Variants in IVD observed in about 807,000 individuals in gnomAD.
The protein encoded by IVD is isovaleryl-CoA dehydrogenase, also known as isovaleryl-CoA dehydrogenase, mitochondrial.
Under a neutral mutation model 51.3 loss-of-function variants are expected in IVD, and 31 were observed. The ratio of observed to expected loss-of-function variants is 0.60; its 90% CI spans 0.45 to 0.81. IVD has a LOEUF of 0.81. IVD is among the 40% of genes least tolerant of loss of function. The pLI is 0.00. For synonymous variants in IVD, 205 were observed against 219.4 expected (o/e 0.93, Z 0.58); for missense variants, 475 against 552.0 (o/e 0.86, Z 1.40).
Position 40,416,107 on chromosome 15 carries a change from C to T in IVD, c.990C>T (p.Tyr330=), listed in dbSNP as rs774192404. 1 of 1,614,282 alleles carries T rather than the reference C, an allele frequency of 6.2e-7. No individual in the cohort carries two copies. Among genetic ancestry groups the T allele is most frequent in the South Asian group, 1.1e-5 (1 of 91,092 alleles). ...TGCAGGGGAAGATGGCTGACATGTA[C>T]ACCCGCCTCATGGCGTGTCGGCAGT... is the stretch of plus-strand genomic sequence containing the variant. The part of the protein sequence containing the change: ...QLMQGKMADM[Y]TRLMACRQYV... Residue 330 remains tyrosine, a synonymous_variant, in exon 10 of 12, where the codon TAC becomes TAT. Coordinates refer to ENST00000487418, the MANE Select transcript of IVD (RefSeq NM_002225.5).
At chr15:40,413,618 G>A (rs1391490994) in intron 7 of IVD, among the ~76,000 whole-genome samples, 1 of 152,072 alleles carries the variant, frequency 6.6e-6, no homozygotes, top group Non-Finnish European at 1.5e-5. Flanking sequence ...AGCCAGCACA[G>A]CCATCATGTA....
intron 11 of IVD, among the ~76,000 whole-genome samples, chr15:40,416,735 C>T (rs1483904514): frequency 1.3e-5 from 2 of 152,134 alleles, no homozygotes; most frequent in East Asian, 3.9e-4. Context: ...CCACTCCTCA[C>T]TATGTGCTTA....
intron 7 of IVD, among the ~76,000 whole-genome samples, chr15:40,430,597 G>A (rs1892917902): frequency 2.0e-5 from 3 of 152,166 alleles, no homozygotes; most frequent in African/African-American, 7.2e-5. Context: ...CACAGAGGTG[G>A]GAGGAGATTC....
chr15:40,420,302 C>T lies in IVD; in HGVS notation c.*2039C>T. Reference sequence around the variant, plus strand: ...CCCACAGCTGACTGGGCAGCAGGCACAGGCCCTACCCGAGCAGGCCGGAGT... The same window carrying T: ...CCCACAGCTGACTGGGCAGCAGGCATAGGCCCTACCCGAGCAGGCCGGAGT... On this transcript the variant is annotated 3_prime_UTR_variant, in exon 12 of 12. Transcript: ENST00000487418. 2.0e-6 allele frequency: 2 copies of T among 987,688 alleles called. No homozygotes were observed. The highest frequency in any genetic ancestry group is 4.7e-5 in the South Asian group (1 of 21,386). 61.2% of individuals were successfully genotyped at this position (987,688 alleles called of 1,614,324 possible).
intron 7 of IVD, among the ~76,000 whole-genome samples, chr15:40,431,260 A>G (rs1892957443): frequency 6.6e-6 from 1 of 151,716 alleles, no homozygotes; most frequent in African/African-American, 2.4e-5. Context: ...CTGGGATTAC[A>G]GGTGTGAGCC....
In IVD at chr15:40,411,531, A is replaced by G. The variant is rs768125931; in HGVS notation, c.551-24A>G. On this transcript the variant is annotated intron_variant, in intron 5 of 11. Transcript: ENST00000487418. The stretch of plus-strand genomic sequence containing the variant: ...TGAGACAGGCCAAGATGGCTTGAGC[A>G]AATAGCCAACATCCTGCCCTTAGGA... The G allele has an allele frequency of 3.7e-6, 6 of 1,614,228 alleles. No homozygotes were observed. The South Asian group carries it at 5.5e-5, about 15-fold the overall frequency.
chr15:40,423,697 T>C (rs950969337), downstream of IVD, among the ~76,000 whole-genome samples: 1 of 152,094 alleles, frequency 6.6e-6, no homozygotes, highest in African/African-American at 2.4e-5. Context: ...CTTGACCTCA[T>C]GATCTGCCCA....
chr15:40,428,891 C>A (rs1187286819), downstream of IVD, among the ~76,000 whole-genome samples: 1 of 152,192 alleles, frequency 6.6e-6, no homozygotes, highest in Non-Finnish European at 1.5e-5. Flanking sequence ...CCTGGGACAT[C>A]TGCAGCTGCC....
At chr15:40,416,785 G>T (rs1201385718) in intron 11 of IVD, among the ~76,000 whole-genome samples, 1 of 152,304 alleles carries the variant, frequency 6.6e-6, no homozygotes, top group East Asian at 1.9e-4. Context: ...GGCTCTTTCT[G>T]TCCCAGTTAC....
At chr15:40,413,209 A>C in intron 7 of IVD, 122 bp downstream of exon 7, 1 of 806,604 alleles carries the variant, frequency 1.2e-6, no homozygotes, top group South Asian at 1.4e-5. Context: ...CTTCAGTGAC[A>C]TGTGGCTAGG....
At position 40,407,005 on chromosome 15, in the gene IVD, A is replaced by AGG. The variant is rs1429151533; in HGVS notation, c.145-630_145-629dup. Reference sequence around the variant, plus strand: ...CAGCCTCCCAGGTAGCTGGGATTACAGGCATGCACCACCACGCCCGGCTAA... The same window carrying AGG: ...CAGCCTCCCAGGTAGCTGGGATTACAGGGGCATGCACCACCACGCCCGGCTAA... On this transcript the variant is annotated intron_variant, in intron 1 of 11. Coordinates refer to ENST00000487418, the MANE Select transcript of IVD (RefSeq NM_002225.5). Among the ~76,000 whole-genome samples, 3 of 152,078 alleles carry AGG rather than the reference A, an allele frequency of 2.0e-5. No individual in the cohort carries two copies. The East Asian group carries it at 5.8e-4, about 29-fold the overall frequency.
At chr15:40,406,054 G>T in intron 1 of IVD, 83 bp downstream of exon 1, 2 of 1,543,620 alleles carry the variant, frequency 1.3e-6, no homozygotes, top group Non-Finnish European at 8.8e-7. Context: ...GGTCCCCATC[G>T]GCCCAGCGCC....
At chr15:40,408,011 T>C in intron 3 of IVD, 21 bp downstream of exon 3, 1 of 1,610,778 alleles carries the variant, frequency 6.2e-7, no homozygotes, top group Non-Finnish European at 8.5e-7. Flanking sequence ...TGTCTTTCCC[T>C]AAAAAGAACT....
At chr15:40,407,795 A>G in intron 2 of IVD, 70 bp downstream of exon 2, 2 of 1,449,804 alleles carry the variant, frequency 1.4e-6, no homozygotes, top group South Asian at 1.1e-5. Flanking sequence ...TGCCTGGAAG[A>G]GCTCACACAG....
intron 7 of IVD, among the ~76,000 whole-genome samples, chr15:40,429,730 G>T (rs2141426253): frequency 6.6e-6 from 1 of 152,328 alleles, no homozygotes; most frequent in South Asian, 2.1e-4. Context: ...GCAGGAGTGG[G>T]CAGGGGGGAA....
chr15:40,410,243 G>A (rs1447216382), intron 3 of IVD, among the ~76,000 whole-genome samples: 2 of 152,114 alleles, frequency 1.3e-5, no homozygotes, highest in East Asian at 3.8e-4. Context: ...TTGGTGCTTT[G>A]GACACCACCT....
At chr15:40,427,935 A>G (rs1371196161), downstream of IVD, among the ~76,000 whole-genome samples, 7 of 152,104 alleles carry the variant, frequency 4.6e-5, no homozygotes, top group Admixed American at 4.6e-4. Flanking sequence ...TAATCCCAGC[A>G]CTTTGGGAGG....
intron 6 of IVD, 146 bp downstream of exon 6, chr15:40,411,837 A>C (rs929152990): frequency 2.9e-5 from 29 of 990,532 alleles, no homozygotes; most frequent in Non-Finnish European, 3.8e-5. Flanking sequence ...AGCAGACTGC[A>C]AGGAGGGTGA....
intron 7 of IVD, among the ~76,000 whole-genome samples, chr15:40,433,493 T>C (rs1435556327): frequency 6.6e-6 from 1 of 152,134 alleles, no homozygotes; most frequent in Non-Finnish European, 1.5e-5. Flanking sequence ...GGAACCAACA[T>C]AGTGGATGCA....
Sources: allele counts gnomAD v4.1 joint callset (sites outside exome capture counted in the v4.1 genomes callset), GRCh38; gene constraint gnomAD v4.1.1; transcripts MANE v1.5; gene names NCBI Gene and HGNC (gene_info 2026-07-23, HGNC 2026-07-21).